The following DLG2 variants were observed in gnomAD, a reference collection of about 807,000 sequenced individuals.
DLG2 encodes the protein discs large MAGUK scaffold protein 2, also known as disks large homolog 2.
DLG2 carries 45 observed loss-of-function variants against 132.5 expected under a neutral mutation model. The ratio of observed to expected loss-of-function variants is 0.34; its 90% CI spans 0.27 to 0.44. DLG2 has a LOEUF of 0.44. Ranked by LOEUF, DLG2 falls within the 20% of genes least tolerant of loss-of-function variation. The pLI is 1.00. For synonymous variants in DLG2, 424 were observed against 419.6 expected (o/e 1.01, Z -0.13); for missense variants, 1,045 against 1,196.9 (o/e 0.87, Z 1.87).
At chr11:84,183,305 GATA>G (rs2096191337) in intron 8 of DLG2, among the ~76,000 whole-genome samples, 1 of 152,152 alleles carries the variant, frequency 6.6e-6, no homozygotes, top group Non-Finnish European at 1.5e-5. Context: ...GACTTTGAGT[GATA>G]ATGATGTGTC....
chr11:84,092,278 A>G (rs1595057642), intron 10 of DLG2, among the ~76,000 whole-genome samples: 1 of 152,226 alleles, frequency 6.6e-6, no homozygotes, highest in Admixed American at 6.5e-5. Flanking sequence ...CTTGTGGCTG[A>G]GGTTCAGCAT....
intron 6 of DLG2, among the ~76,000 whole-genome samples, chr11:84,998,146 A>C (rs1262033588): frequency 6.6e-6 from 1 of 151,904 alleles, no homozygotes; most frequent in East Asian, 1.9e-4. Flanking sequence ...TTGTTTTTGC[A>C]CCAACCTAAT....
chr11:84,414,851 C>A (rs1401953590), intron 7 of DLG2, among the ~76,000 whole-genome samples: 1 of 152,038 alleles, frequency 6.6e-6, no homozygotes, highest in African/African-American at 2.4e-5. Context: ...AAATTACATA[C>A]CTGATTGTTC....
At chr11:84,587,300 C>G (rs185477008) in intron 6 of DLG2, among the ~76,000 whole-genome samples, 4 of 152,286 alleles carry the variant, frequency 2.6e-5, no homozygotes, top group Admixed American at 2.6e-4. Context: ...GTTCATTTCT[C>G]TCCCTCATAG....
At chr11:83,475,498 C>A (rs1265466234) in intron 22 of DLG2, among the ~76,000 whole-genome samples, 1 of 130,172 alleles carries the variant, frequency 7.7e-6, no homozygotes, top group Non-Finnish European at 1.6e-5. Context: ...AATACTGCAC[C>A]TTTTTCAACT....
intron 3 of DLG2, among the ~76,000 whole-genome samples, chr11:85,596,910 T>C (rs2079813574): frequency 6.6e-6 from 1 of 152,260 alleles, no homozygotes; most frequent in African/African-American, 2.4e-5. Flanking sequence ...TGTTTTGTTG[T>C]ATAATGTTGC....
At chr11:84,184,642 G>T (rs1287613718) in intron 8 of DLG2, among the ~76,000 whole-genome samples, 2 of 152,132 alleles carry the variant, frequency 1.3e-5, no homozygotes, top group African/African-American at 4.8e-5. Flanking sequence ...GGAAGTCCTT[G>T]CCCATGCCTA....
At position 83,956,603 on chromosome 11, in the gene DLG2, G is replaced by T. The variant is rs148776216; in HGVS notation, c.1340+6282C>A. Reference sequence around the variant, plus strand: ...GAGCACGGTGGGCCAAGTAGACAGGGTGCCCCTACCGCGAGTCCAGTGAAG... The same window carrying T: ...GAGCACGGTGGGCCAAGTAGACAGGTTGCCCCTACCGCGAGTCCAGTGAAG... On this transcript the variant is annotated intron_variant, in intron 14 of 27. Coordinates refer to ENST00000376104, the MANE Select transcript of DLG2 (RefSeq NM_001142699.3). Among the ~76,000 whole-genome samples the T allele has an allele frequency of 3.9e-5, 6 of 152,300 alleles. No homozygotes were observed. The East Asian group carries it at 5.8e-4, about 15-fold the overall frequency.
rs1342374072 is a variant in DLG2, at chr11:84,117,584, A to G, written c.625-18537T>C. ...TGGTTTAAGCATCATCTGCTCTGTG[A>G]GGCTTGTGTGACTCACCAGTTGGGT... On this transcript the variant is annotated intron_variant, in intron 9 of 27. Transcript: ENST00000376104. Among the ~76,000 whole-genome samples, 7 of 152,186 alleles carry G rather than the reference A, an allele frequency of 4.6e-5. No homozygotes were observed. In the East Asian group the frequency reaches 1.4e-3, roughly 30 times the overall value.
rs7129873 is a variant in DLG2 at position 85,605,903 on chromosome 11, G to A, written c.-92-7115C>T. Among the ~76,000 whole-genome samples, 805 of 152,186 alleles carry A rather than the reference G, an allele frequency of 5.3e-3. 8 individuals carry two copies. Among genetic ancestry groups the A allele is most frequent in the African/African-American group, 0.018 (746 of 41,520 alleles). On this transcript the variant is annotated intron_variant, in intron 2 of 27. Coordinates refer to ENST00000376104, the MANE Select transcript of DLG2 (RefSeq NM_001142699.3). ...CTGAGGCAGGAAATCACTTGAACCCGGGAGGCGGAGGTTGAAGTGAGCTGA... is the reference window on the plus strand; with the variant it reads ...CTGAGGCAGGAAATCACTTGAACCCAGGAGGCGGAGGTTGAAGTGAGCTGA...
chr11:85,381,526 A>G (rs2085888907), intron 3 of DLG2, among the ~76,000 whole-genome samples: 1 of 152,136 alleles, frequency 6.6e-6, no homozygotes, highest in East Asian at 1.9e-4. Flanking sequence ...AAAGAAATCA[A>G]AGTCATCTAG....
At chr11:84,251,338 T>G (rs2097369568) in intron 7 of DLG2, 47 bp from the exon 8 acceptor site, 2 of 1,357,744 alleles carry the variant, frequency 1.5e-6, no homozygotes, top group Non-Finnish European at 2.0e-6. Flanking sequence ...TAGTGTATTC[T>G]GAGACAGATT....
chr11:84,071,026 T>A (rs916450161), intron 10 of DLG2, among the ~76,000 whole-genome samples: 3 of 152,178 alleles, frequency 2.0e-5, no homozygotes, highest in Non-Finnish European at 2.9e-5. Flanking sequence ...TAGCCACACA[T>A]CCAATCTATC....
At chr11:84,873,024 A>G (rs918927390) in intron 6 of DLG2, among the ~76,000 whole-genome samples, 1 of 152,194 alleles carries the variant, frequency 6.6e-6, no homozygotes, top group African/African-American at 2.4e-5. Flanking sequence ...GGTAGACAGA[A>G]TAATAGCCCT....
chr11:85,498,249 T>C (rs951679183), intron 3 of DLG2, among the ~76,000 whole-genome samples: 1 of 151,360 alleles, frequency 6.6e-6, no homozygotes, highest in Non-Finnish European at 1.5e-5. Context: ...ACAAAGCAAA[T>C]GGAAAGCAAA....
intron 4 of DLG2, among the ~76,000 whole-genome samples, chr11:85,180,045 C>G (rs1336118498): frequency 6.6e-6 from 1 of 151,848 alleles, no homozygotes; most frequent in Admixed American, 6.6e-5. Flanking sequence ...TCTGCTAAGA[C>G]TCAATATAGT....
At chr11:85,195,748 G>A (rs1442382157) in intron 4 of DLG2, among the ~76,000 whole-genome samples, 1 of 151,738 alleles carries the variant, frequency 6.6e-6, no homozygotes, top group Non-Finnish European at 1.5e-5. Flanking sequence ...GGATGGTCTC[G>A]ATCTTCTGAC....
At chr11:84,074,726 C>T (rs1194572097) in intron 10 of DLG2, among the ~76,000 whole-genome samples, 2 of 151,834 alleles carry the variant, frequency 1.3e-5, no homozygotes, top group African/African-American at 4.8e-5. Flanking sequence ...GACGGGGTTT[C>T]ACCATGTTAG....
intron 3 of DLG2, among the ~76,000 whole-genome samples, chr11:85,319,007 AT>A (rs752694133): frequency 6.6e-6 from 1 of 151,962 alleles, no homozygotes; most frequent in Non-Finnish European, 1.5e-5. Flanking sequence ...ACAGTAAGTC[AT>A]TTAAAACAAG....
Sources: gnomAD v4.1 joint callset for allele counts (sites outside exome capture counted in the v4.1 genomes callset) on GRCh38, gnomAD v4.1.1 for gene constraint, MANE v1.5 for transcripts, NCBI Gene and HGNC (gene_info 2026-07-23, HGNC 2026-07-21) for gene names.